Variants in ANAPC1 observed in about 807,000 individuals in gnomAD.
The protein encoded by ANAPC1 is anaphase promoting complex subunit 1.
Under a neutral mutation model 208.0 loss-of-function variants are expected in ANAPC1, and 36 were observed. The observed-to-expected ratio is 0.17, with a 90% confidence interval of 0.13 to 0.23. The LOEUF (loss-of-function observed/expected upper bound fraction) is 0.23, where lower values mean the gene tolerates loss of function less well. Ranked by LOEUF, ANAPC1 falls within the 10% of genes least tolerant of loss-of-function variation. The pLI, the probability that ANAPC1 is intolerant of heterozygous loss-of-function variation, is 1.00. For synonymous variants in ANAPC1, 378 were observed against 695.2 expected (o/e 0.54, Z 7.18); for missense variants, 942 against 2,011.6 (o/e 0.47, Z 10.17).
At position 111,880,662 on chromosome 2, in the gene ANAPC1, G is replaced by C; in HGVS notation, c.164C>G (p.Ala55Gly). The C allele has an allele frequency of 6.2e-7, 1 of 1,613,148 alleles. No individual in the cohort carries two copies. The highest frequency in any genetic ancestry group is 8.5e-7 in the Non-Finnish European group (1 of 1,179,788). Reference sequence around the variant, plus strand: ...CTCCTGAAGGGATCCCACCAAGCCAGCAGCACCATCAGAAGACCATAATTC... The same window carrying C: ...CTCCTGAAGGGATCCCACCAAGCCACCAGCACCATCAGAAGACCATAATTC... ...ASELWSSDGA[A>G]GLVGSLQEVT... The change falls in exon 2 of 48, where the codon GCT (alanine) becomes GGT (glycine). Residue 55 changes from alanine (A) to glycine (G), a missense_variant. By Grantham distance (60) the Ala-to-Gly change is moderately conservative. Coordinates refer to ENST00000341068, the MANE Select transcript of ANAPC1 (RefSeq NM_022662.4).
chr2:111,851,568 A>G (rs1325779844), intron 13 of ANAPC1, among the ~76,000 whole-genome samples: 3 of 151,976 alleles, frequency 2.0e-5, no homozygotes, highest in East Asian at 3.9e-4. Flanking sequence ...ACACTTTGGG[A>G]GGCCGAGGCG....
At chr2:111,851,604 A>C (rs994797646) in intron 13 of ANAPC1, among the ~76,000 whole-genome samples, 3 of 151,828 alleles carry the variant, frequency 2.0e-5, no homozygotes, top group African/African-American at 7.3e-5. Flanking sequence ...CAGGAGTTCA[A>C]GAGCATCCTG....
At position 111,794,277 on chromosome 2, in the gene ANAPC1, A is replaced by C; in HGVS notation, c.4420T>G (p.Phe1474Val). The C allele has an allele frequency of 6.2e-7, 1 of 1,613,374 alleles. No individual in the cohort carries two copies. The highest frequency in any genetic ancestry group is 8.5e-7 in the Non-Finnish European group (1 of 1,179,646). ...IIAGACLSLG[F>V]RFAGSENLSA... Reference sequence around the variant, plus strand: ...AAGTTTTCTGAGCCAGCAAATCGAAAACCCAGAGACAAGCAGGCTCCTGCA... The same window carrying C: ...AAGTTTTCTGAGCCAGCAAATCGAACACCCAGAGACAAGCAGGCTCCTGCA... The change falls in exon 36 of 48, where the codon TTT becomes GTT. Residue 1474 changes from phenylalanine to valine, a missense_variant. Phe to Val is a conservative substitution (Grantham distance 50). Transcript: ENST00000341068.
At chr2:111,840,829 G>C (rs1363727990) in intron 17 of ANAPC1, among the ~76,000 whole-genome samples, 1 of 152,190 alleles carries the variant, frequency 6.6e-6, no homozygotes, top group Non-Finnish European at 1.5e-5. Flanking sequence ...GATCACTTGA[G>C]CTCAGGAGTT....
chr2:111,848,073 AG>A (rs1484661762), intron 14 of ANAPC1, among the ~76,000 whole-genome samples: 2 of 151,556 alleles, frequency 1.3e-5, no homozygotes, highest in Non-Finnish European at 2.9e-5. Flanking sequence ...ACTTAAGCCT[AG>A]GAATTTGAGG....
In ANAPC1 at chr2:111,794,062, T is replaced by C. The variant is rs772258448; in HGVS notation, c.4518+16A>G. 4 of 1,351,128 alleles carry C rather than the reference T, an allele frequency of 3.0e-6. No homozygotes were observed. Among genetic ancestry groups the C allele is most frequent in the Non-Finnish European group, 4.0e-6 (4 of 1,005,918 alleles). The allele number at this position is 1,351,128 out of a possible 1,614,324, so 83.7% of individuals were successfully genotyped here. ...AGTTTAATTTTATTCCCAAGGAGAA[T>C]GATAAAAAGACTTACAACAGAAGCA... On this transcript the variant is annotated intron_variant, in intron 37 of 47. Transcript: ENST00000341068.
intron 2 of ANAPC1, 155 bp downstream of exon 2, chr2:111,880,458 G>A: frequency 2.3e-6 from 3 of 1,327,470 alleles, no homozygotes; most frequent in Non-Finnish European, 1.0e-6. Context: ...ATGTAATAAA[G>A]TCATTATTTT....
chr2:111,845,480 A>C (rs1165594842), intron 16 of ANAPC1, among the ~76,000 whole-genome samples: 1 of 152,184 alleles, frequency 6.6e-6, no homozygotes. Context: ...AATAAGTGTA[A>C]ACCCAATGCT....
Position 111,780,185 on chromosome 2 carries a change from G to A in ANAPC1, c.5289+114C>T, listed in dbSNP as rs201642820. 1,866 of 199,750 alleles carry A rather than the reference G, an allele frequency of 9.3e-3. 12 individuals are homozygous for A. The highest frequency in any genetic ancestry group is 0.078 in the East Asian group (478 of 6,166). The allele number at this position is 199,750 out of a possible 1,614,324, so 12.4% of individuals were successfully genotyped here. ...GCAAAAGTCATCCAATGTGACTGACGCATGTCATCAATCTCAAAGATAGAT... is the reference window on the plus strand; with the variant it reads ...GCAAAAGTCATCCAATGTGACTGACACATGTCATCAATCTCAAAGATAGAT... On this transcript the variant is annotated intron_variant, in intron 44 of 47. Transcript: ENST00000341068.
At position 111,825,154 on chromosome 2, in the gene ANAPC1, C is replaced by G. The variant is rs373767122; in HGVS notation, c.2718G>C (p.Leu906Phe). 3.1e-6 allele frequency: 5 copies of G among 1,613,482 alleles called. No individual in the cohort carries two copies. In the Admixed American group the frequency reaches 8.3e-5, roughly 27 times the overall value. The change falls in exon 23 of 48, where the codon TTG becomes TTC. Residue 906 changes from leucine (L) to phenylalanine (F), a missense_variant. Coordinates refer to ENST00000341068, the MANE Select transcript of ANAPC1 (RefSeq NM_022662.4). ...LTRITIAPQKLQVEQEENRFS... is the reference protein window; with the variant it reads ...LTRITIAPQKFQVEQEENRFS... ...ACCTGTTTTCCTCTTGTTCTACTTGCAACTTCTGGGGGGCTAAAAGGCAAC... is the reference window on the plus strand; with the variant it reads ...ACCTGTTTTCCTCTTGTTCTACTTGGAACTTCTGGGGGGCTAAAAGGCAAC...
chr2:111,844,209 A>G (rs1181956859), intron 16 of ANAPC1, among the ~76,000 whole-genome samples: 2 of 152,156 alleles, frequency 1.3e-5, no homozygotes, highest in African/African-American at 2.4e-5. Context: ...ATTTACATCC[A>G]TTGCCCAGCA....
intron 25 of ANAPC1, chr2:111,821,725 G>A (rs1290508404): frequency 1.4e-5 from 6 of 418,950 alleles, no homozygotes; most frequent in African/African-American, 4.0e-5. Context: ...CCCGAGGCCA[G>A]GGGTTCCAGA....
At position 111,851,050 on chromosome 2, in the gene ANAPC1, T is replaced by C. The variant is rs539202562; in HGVS notation, c.1516-140A>G. 1.1e-4 allele frequency: 118 copies of C among 1,100,054 alleles called. No individual in the cohort carries two copies. The African/African-American group carries it at 1.7e-3, about 16-fold the overall frequency. 68.1% of individuals were successfully genotyped at this position (1,100,054 alleles called of 1,614,324 possible). A position where few individuals can be genotyped will look rare whatever the true frequency, so the allele number is the denominator to read the frequency against. On this transcript the variant is annotated intron_variant, in intron 13 of 47. Transcript: ENST00000341068. ...CTCACCAAACACAGCAAAGAAACAA[T>C]TCAAATGTCAATAATCTATCCAATT... is the stretch of plus-strand genomic sequence containing the variant.
intron 38 of ANAPC1, among the ~76,000 whole-genome samples, chr2:111,790,321 G>C (rs879339571): frequency 2.0e-5 from 3 of 152,220 alleles, no homozygotes; most frequent in Admixed American, 2.0e-4. Context: ...AAGGAGCCAA[G>C]AGAAAAACAC....
At chr2:111,860,893 A>G (rs969645496) in intron 10 of ANAPC1, among the ~76,000 whole-genome samples, 5 of 151,550 alleles carry the variant, frequency 3.3e-5, no homozygotes, top group Non-Finnish European at 7.4e-5. Flanking sequence ...TGTACACACA[A>G]TTATTGAATA....
At chr2:111,845,976 CAAAAAAAA>C (rs34090398) in intron 16 of ANAPC1, among the ~76,000 whole-genome samples, 7 of 101,272 alleles carry the variant, frequency 6.9e-5, no homozygotes, top group Admixed American at 5.8e-4. Flanking sequence ...GACTCCGTCT[CAAAAAAAA>C]AAAAAAAAAA....
At chr2:111,839,159 G>C (rs1680629328) in intron 17 of ANAPC1, among the ~76,000 whole-genome samples, 1 of 152,152 alleles carries the variant, frequency 6.6e-6, no homozygotes, top group Non-Finnish European at 1.5e-5. Flanking sequence ...CACCTGACTG[G>C]AATGCAGTCA....
intron 38 of ANAPC1, among the ~76,000 whole-genome samples, chr2:111,789,608 G>T: frequency 6.8e-6 from 1 of 145,994 alleles, no homozygotes; most frequent in Non-Finnish European, 1.5e-5. Flanking sequence ...GCATGTGCAT[G>T]GAATAAGCCA....
chr2:111,878,601 A>G (rs2311831), intron 3 of ANAPC1, among the ~76,000 whole-genome samples: 1 of 152,220 alleles, frequency 6.6e-6, no homozygotes, highest in Admixed American at 6.5e-5. Flanking sequence ...AGTGACAAAG[A>G]AGAGTGTAAA....
Sources: gnomAD v4.1 joint callset for allele counts (sites outside exome capture counted in the v4.1 genomes callset) on GRCh38, gnomAD v4.1.1 for gene constraint, MANE v1.5 for transcripts, NCBI Gene and HGNC (gene_info 2026-07-23, HGNC 2026-07-21) for gene names.